ACIN1: variants seen among roughly 807,000 people sequenced by gnomAD.
The protein encoded by ACIN1 is apoptotic chromatin condensation inducer in the nucleus.
In ACIN1, 16 loss-of-function variants were observed where a neutral mutation model predicts 146.6. That is an observed-to-expected ratio of 0.11 (90% confidence interval 0.07 to 0.17). The LOEUF is 0.17. ACIN1 is among the 10% of genes least tolerant of loss of function. The pLI is 1.00. For synonymous variants in ACIN1, 569 were observed against 582.7 expected (o/e 0.98, Z 0.34); for missense variants, 1,357 against 1,609.3 (o/e 0.84, Z 2.68).
intron 8 of ACIN1, among the ~76,000 whole-genome samples, chr14:23,073,082 C>T (rs909049962): frequency 6.6e-5 from 10 of 152,238 alleles, no homozygotes; most frequent in African/African-American, 2.4e-4. Flanking sequence ...TCTGATGCCA[C>T]CTCTGGGGCT....
intron 18 of ACIN1, among the ~76,000 whole-genome samples, chr14:23,060,200 C>G (rs927880791): frequency 6.8e-6 from 1 of 147,214 alleles, no homozygotes; most frequent in Non-Finnish European, 1.5e-5. Flanking sequence ...TAGATGGAGG[C>G]TTAGATGATC....
At position 23,079,263 on chromosome 14, in the gene ACIN1, G is replaced by A. The variant is rs190215783; in HGVS notation, c.1789-225C>T. On this transcript the variant is annotated intron_variant, in intron 6 of 18. Coordinates refer to ENST00000605057, the MANE Select transcript of ACIN1 (RefSeq NM_001386863.1). Reference sequence around the variant, plus strand: ...AGATGCTAGATCCTGGGACACACACGTAAAAGGGCATGCCCACATCCTCAA... The same window carrying A: ...AGATGCTAGATCCTGGGACACACACATAAAAGGGCATGCCCACATCCTCAA... Among the ~76,000 whole-genome samples the A allele has an allele frequency of 8.5e-5, 13 of 152,216 alleles. No individual in the cohort carries two copies. In the East Asian group the frequency reaches 1.7e-3, roughly 20 times the overall value.
At chr14:23,075,738 C>G (rs1166144212) in intron 8 of ACIN1, among the ~76,000 whole-genome samples, 9 of 148,674 alleles carry the variant, frequency 6.1e-5, no homozygotes, top group Non-Finnish European at 7.4e-5. Context: ...GAGTTTCGCT[C>G]TTGTTGCCCA....
chr14:23,065,027 A>G (rs1250820201), intron 10 of ACIN1, among the ~76,000 whole-genome samples: 1 of 152,232 alleles, frequency 6.6e-6, no homozygotes, highest in African/African-American at 2.4e-5. Flanking sequence ...AATGGTAGAC[A>G]GTAATATCAA....
intron 6 of ACIN1, 48 bp downstream of exon 6, chr14:23,079,499 C>A (rs969288579): frequency 6.3e-7 from 1 of 1,587,208 alleles, no homozygotes; most frequent in South Asian, 1.1e-5. Context: ...ATGAAAACCA[C>A]TGGAATATGA....
intron 1 of ACIN1, 158 bp downstream of exon 1, chr14:23,094,817 G>C: frequency 1.8e-6 from 2 of 1,131,148 alleles, no homozygotes; most frequent in Non-Finnish European, 1.2e-6. Context: ...CCATTCCAGC[G>C]CGAACCTCAT....
intron 5 of ACIN1, 91 bp from the exon 6 acceptor site, chr14:23,080,900 A>C (rs2047927400): frequency 2.7e-6 from 4 of 1,507,528 alleles, no homozygotes; most frequent in Non-Finnish European, 3.5e-6. Context: ...CCTAGGAAGG[A>C]GAAATTCAAT....
chr14:23,061,866 C>T (rs1240796320), intron 16 of ACIN1, among the ~76,000 whole-genome samples: 6 of 148,252 alleles, frequency 4.0e-5, no homozygotes, highest in East Asian at 4.1e-4. Flanking sequence ...CCCAGCTATT[C>T]GGGAGGCTGA....
chr14:23,087,554 A>T (rs2048119790), intron 4 of ACIN1, among the ~76,000 whole-genome samples: 1 of 151,410 alleles, frequency 6.6e-6, no homozygotes, highest in South Asian at 2.1e-4. Flanking sequence ...CCTTACTCTA[A>T]ATCTTTGCTT....
chr14:23,093,452 C>T, intron 2 of ACIN1, 27 bp downstream of exon 2: 8 of 1,601,778 alleles, frequency 5.0e-6, no homozygotes, highest in Non-Finnish European at 6.8e-6. Context: ...AAAGGGCCCA[C>T]TCCATTGAAT....
chr14:23,070,760 GCTGA>G (rs147745082), intron 8 of ACIN1, among the ~76,000 whole-genome samples: 5,104 of 152,098 alleles, frequency 0.034, 168 homozygotes, highest in Admixed American at 0.095. Flanking sequence ...TTCCCAACAG[GCTGA>G]CTGACTGACA....
intron 8 of ACIN1, among the ~76,000 whole-genome samples, chr14:23,074,940 A>C (rs140178591): frequency 0.016 from 2,400 of 152,340 alleles, 21 homozygotes; most frequent in Non-Finnish European, 0.025. Flanking sequence ...AAACAGTGGG[A>C]CTAGATACCC....
In ACIN1 at chr14:23,062,280, T is replaced by TGGAGGAAG; in HGVS notation, c.2992-13_2992-6dup. The TGGAGGAAG allele has an allele frequency of 1.9e-6, 3 of 1,613,052 alleles. No homozygotes were observed. Among genetic ancestry groups the TGGAGGAAG allele is most frequent in the Non-Finnish European group, 2.5e-6 (3 of 1,179,204 alleles). ...AGCTTCCTCTACTGTTGAGTACTGG[T>TGGAGGAAG]GGAGGAAGGGAGAAGATGGAGGGTC... On this transcript the variant is annotated splice_polypyrimidine_tract_variant and splice_region_variant and intron_variant, in intron 15 of 18. Coordinates refer to ENST00000605057, the MANE Select transcript of ACIN1 (RefSeq NM_001386863.1).
chr14:23,065,766 G>A (rs1002877813), intron 10 of ACIN1, among the ~76,000 whole-genome samples, 200 bp downstream of exon 10: 2 of 152,188 alleles, frequency 1.3e-5, no homozygotes, highest in African/African-American at 4.8e-5. Context: ...TGTGACTGGA[G>A]CAATATGATG....
rs2048183486 is a variant in ACIN1 at position 23,089,896 on chromosome 14, G to A, written c.436+86C>T. The stretch of plus-strand genomic sequence containing the variant: ...GAATTTCCCTGGGACTTTCATGGAG[G>A]CTTAGCATGAAAGGAGGTGTAACTA... On this transcript the variant is annotated intron_variant, in intron 4 of 18. Transcript: ENST00000605057. 1.3e-5 allele frequency: 18 copies of A among 1,389,050 alleles called. No individual in the cohort carries two copies. The South Asian group carries it at 2.2e-4, about 17-fold the overall frequency. The allele number at this position is 1,389,050 out of a possible 1,614,324, so 86.0% of individuals were successfully genotyped here. A position where few individuals can be genotyped will look rare whatever the true frequency, so the allele number is the denominator to read the frequency against.
Position 23,063,484 on chromosome 14 carries a change from A to C in ACIN1, c.2689T>G (p.Ser897Ala). 1.2e-6 allele frequency: 2 copies of C among 1,614,130 alleles called. No homozygotes were observed. Among genetic ancestry groups the C allele is most frequent in the Non-Finnish European group, 1.7e-6 (2 of 1,179,996 alleles). Reference protein sequence around the residue: ...EAEPPVPPQVSVEVALPPPAE... With the variant: ...EAEPPVPPQVAVEVALPPPAE... ...GGTGGGGGCAAGGCCACCTCTACTGACACCTGGGGAGGTACAGGAGGTTCT... is the reference window on the plus strand; with the variant it reads ...GGTGGGGGCAAGGCCACCTCTACTGCCACCTGGGGAGGTACAGGAGGTTCT... Residue 897 changes from serine to alanine, a missense_variant, in exon 13 of 19, where the codon TCA (serine) becomes GCA (alanine). Ser to Ala is a moderately conservative substitution (Grantham distance 99). Around this residue, in one of 4 missense-constraint regions of ACIN1, gnomAD observed 509 missense variants for 719.6 expected, o/e 0.71. Transcript: ENST00000605057.
chr14:23,075,205 T>C (rs1217947753), intron 8 of ACIN1, among the ~76,000 whole-genome samples: 2 of 152,166 alleles, frequency 1.3e-5, no homozygotes, highest in Non-Finnish European at 2.9e-5. Context: ...AAAACTGCTA[T>C]TGCCTGCTAG....
chr14:23,072,831 A>G (rs1368669701), intron 8 of ACIN1, among the ~76,000 whole-genome samples: 1 of 152,252 alleles, frequency 6.6e-6, no homozygotes, highest in Non-Finnish European at 1.5e-5. Flanking sequence ...GCTCAGGGTT[A>G]AGAGTGAAGA....
chr14:23,095,424 G>A (rs565464084), upstream of ACIN1: 29 of 1,191,262 alleles, frequency 2.4e-5, no homozygotes, highest in African/African-American at 4.0e-4. Context: ...ACCATAATCG[G>A]AGATGTTCGT....
Sources: allele counts gnomAD v4.1 joint callset (sites outside exome capture counted in the v4.1 genomes callset), GRCh38; gene constraint gnomAD v4.1.1; regional missense constraint gnomAD v4.1.1; transcripts MANE v1.5; gene names NCBI Gene and HGNC (gene_info 2026-07-23, HGNC 2026-07-21).